DPH6: variants seen among roughly 807,000 people sequenced by gnomAD.
DPH6 encodes diphthine--ammonia ligase.
Under a neutral mutation model 38.2 loss-of-function variants are expected in DPH6, and 33 were observed. The observed-to-expected ratio is 0.86, with a 90% CI of 0.65 to 1.15. DPH6 has a LOEUF of 1.15. Among genes scored for constraint, DPH6 ranks in the 50% most tolerant of loss-of-function variants. The pLI, the probability that DPH6 is intolerant of heterozygous loss-of-function variation, is 0.00. For synonymous variants in DPH6, 108 were observed against 103.0 expected, an observed-to-expected ratio of 1.05 and a Z score of -0.30; for missense variants, 325 against 320.0, an observed-to-expected ratio of 1.02 and a Z score of -0.12.
intron 4 of DPH6, among the ~76,000 whole-genome samples, chr15:35,453,485 A>G (rs2053960620): frequency 6.6e-6 from 1 of 152,164 alleles, no homozygotes; most frequent in African/African-American, 2.4e-5. Flanking sequence ...CTTGATGACA[A>G]TACTATTATT....
chr15:35,205,273 A>T, the DPH6 span, among the ~76,000 whole-genome samples: 1 of 151,962 alleles, frequency 6.6e-6, no homozygotes, highest in African/African-American at 2.4e-5. Flanking sequence ...TGCCATTTTA[A>T]TCATTGAAGT....
At chr15:35,487,057 G>A (rs2054412202) in intron 3 of DPH6, among the ~76,000 whole-genome samples, 1 of 152,182 alleles carries the variant, frequency 6.6e-6, no homozygotes, top group South Asian at 2.1e-4. Context: ...AGGGCACGCT[G>A]ATGCAAGACA....
chr15:35,497,819 A>G (rs1410299293), intron 3 of DPH6, among the ~76,000 whole-genome samples: 1 of 152,240 alleles, frequency 6.6e-6, no homozygotes, highest in East Asian at 1.9e-4. Flanking sequence ...TAAAAGCAAC[A>G]GATACTTAAA....
chr15:35,363,557 T>A (rs1378661472), intron 3 of DPH6, among the ~76,000 whole-genome samples: 1 of 152,060 alleles, frequency 6.6e-6, no homozygotes. Flanking sequence ...GGGTTTGCCT[T>A]CTAGTCAATC....
chr15:35,357,269 C>T (rs570707294), intron 3 of DPH6, among the ~76,000 whole-genome samples: 214 of 152,322 alleles, frequency 1.4e-3, no homozygotes, highest in Non-Finnish European at 2.6e-3. Flanking sequence ...AGCTCACACT[C>T]GGTGTGCTGC....
At chr15:35,190,092 A>G in the DPH6 span, among the ~76,000 whole-genome samples, 1 of 152,058 alleles carries the variant, frequency 6.6e-6, no homozygotes, top group East Asian at 1.9e-4. Context: ...AGGATATGGA[A>G]GGCAATTGTG....
At position 35,465,442 on chromosome 15, in the gene DPH6, G is replaced by A. The variant is rs1221989006; in HGVS notation, c.313-10622C>T. Among the ~76,000 whole-genome samples, 6 of 152,116 alleles carry A rather than the reference G, an allele frequency of 3.9e-5. No homozygotes were observed. The South Asian group carries it at 1.0e-3, about 26-fold the overall frequency. The stretch of plus-strand genomic sequence containing the variant: ...CGTTCTAGGGCCTGGATAACTAAGC[G>A]AGAAATTTATATGGCAAGTATAGCA... On this transcript the variant is annotated intron_variant, in intron 3 of 8. Transcript: ENST00000256538.
chr15:35,158,791 GA>G, the DPH6 span, among the ~76,000 whole-genome samples: 1 of 151,884 alleles, frequency 6.6e-6, no homozygotes, highest in African/African-American at 2.4e-5. Context: ...ATGATAAAAA[GA>G]AAAAAACAAA....
chr15:35,149,322 C>T, the DPH6 span, among the ~76,000 whole-genome samples: 1 of 152,214 alleles, frequency 6.6e-6, no homozygotes, highest in Non-Finnish European at 1.5e-5. Flanking sequence ...ACTGCAACCT[C>T]TGCCTCCCAG....
In DPH6 at chr15:35,415,641, T is replaced by C. The variant is rs566053985; in HGVS notation, c.506-4745A>G. Among the ~76,000 whole-genome samples, 3 of 152,104 alleles carry C rather than the reference T, an allele frequency of 2.0e-5. No individual in the cohort carries two copies. In the South Asian group the frequency reaches 6.2e-4, roughly 32 times the overall value. ...TAAATATAAAACACACTGGGCACAC[T>C]TTCCACATGAACCTGTGATCTTCAC... On this transcript the variant is annotated intron_variant, in intron 5 of 8. Transcript: ENST00000256538.
At chr15:35,544,441 T>C (rs926992771) in intron 1 of DPH6, among the ~76,000 whole-genome samples, 1 of 151,974 alleles carries the variant, frequency 6.6e-6, no homozygotes, top group Admixed American at 6.6e-5. Context: ...CCGTGGCACA[T>C]GTATACCTAT....
intron 3 of DPH6, among the ~76,000 whole-genome samples, chr15:35,242,123 G>A (rs151077326): frequency 0.064 from 9,087 of 143,070 alleles, 921 homozygotes; most frequent in African/African-American, 0.13. Context: ...CAAATTACCT[G>A]GGCTGTACCG....
chr15:35,461,736 T>C (rs1294020195), intron 3 of DPH6, among the ~76,000 whole-genome samples: 1 of 152,166 alleles, frequency 6.6e-6, no homozygotes, highest in African/African-American at 2.4e-5. Flanking sequence ...TATATTCTTG[T>C]ATTTCTTAAA....
chr15:35,462,575 T>C (rs182163364), intron 3 of DPH6, among the ~76,000 whole-genome samples: 2 of 152,304 alleles, frequency 1.3e-5, no homozygotes, highest in Admixed American at 6.5e-5. Flanking sequence ...CTAGAATTTA[T>C]GTGGCTTATT....
chr15:35,161,694 C>T, the DPH6 span, among the ~76,000 whole-genome samples: 13 of 6,718 alleles, frequency 1.9e-3, no homozygotes, highest in African/African-American at 2.0e-3. Flanking sequence ...CTAGTGTGCT[C>T]GCTCTCTCTC....
intron 6 of DPH6, among the ~76,000 whole-genome samples, chr15:35,400,195 A>C (rs2053198484): frequency 6.6e-6 from 1 of 152,226 alleles, no homozygotes; most frequent in East Asian, 1.9e-4. Flanking sequence ...AAATAAATGA[A>C]ACAAGACAAT....
chr15:35,489,830 T>A, intron 3 of DPH6: 1 of 979,788 alleles, frequency 1.0e-6, no homozygotes, highest in Non-Finnish European at 1.2e-6. Context: ...ATAATGTACT[T>A]TTAAAAGGAA....
intron 7 of DPH6, among the ~76,000 whole-genome samples, chr15:35,375,762 G>A (rs575354496): frequency 5.9e-5 from 9 of 151,906 alleles, no homozygotes; most frequent in Non-Finnish European, 1.3e-4. Context: ...GTTTGGTTTG[G>A]GCCTCTCTTC....
intron 5 of DPH6, among the ~76,000 whole-genome samples, chr15:35,443,334 CA>C (rs1190642822): frequency 6.6e-6 from 1 of 152,102 alleles, no homozygotes; most frequent in Non-Finnish European, 1.5e-5. Flanking sequence ...TTATTACTTA[CA>C]AAGAATAAGT....
Sources: allele counts gnomAD v4.1 joint callset (sites outside exome capture counted in the v4.1 genomes callset), GRCh38; gene constraint gnomAD v4.1.1; transcripts MANE v1.5; gene names NCBI Gene and HGNC (gene_info 2026-07-23, HGNC 2026-07-21).